The following TBX15 variants were observed in gnomAD, a reference collection of about 807,000 sequenced individuals.
TBX15 encodes the protein T-box transcription factor TBX15.
In TBX15, 18 loss-of-function variants were observed where a neutral mutation model predicts 53.9. That is an observed-to-expected ratio of 0.33 (90% CI 0.23 to 0.49). The LOEUF (loss-of-function observed/expected upper bound fraction) is 0.49. Ranked by LOEUF, TBX15 falls within the 20% of genes least tolerant of loss-of-function variation. TBX15 has a pLI of 0.98. For missense variants in TBX15, 692 were observed against 749.5 expected (o/e 0.92, Z 0.90); for synonymous variants, 295 against 278.0 (o/e 1.06, Z -0.61).
intron 1 of TBX15, among the ~76,000 whole-genome samples, chr1:118,932,042 C>T (rs1035284687): frequency 4.6e-5 from 7 of 152,092 alleles, no homozygotes; most frequent in African/African-American, 7.2e-5. Context: ...TTTCAGGTTT[C>T]GTGTTTCCAA....
chr1:118,977,538 C>T (rs1431934124), intron 1 of TBX15, among the ~76,000 whole-genome samples: 2 of 151,912 alleles, frequency 1.3e-5, no homozygotes, highest in East Asian at 1.9e-4. Context: ...TCCACAGGTT[C>T]CATGATTGCA....
chr1:118,987,543 G>C (rs1390273245), intron 1 of TBX15, 48 bp downstream of exon 1: 16 of 1,522,300 alleles, frequency 1.1e-5, no homozygotes, highest in East Asian at 2.5e-5. Context: ...CTGGCCCTTC[G>C]GCGTCCCCTC....
intron 6 of TBX15, among the ~76,000 whole-genome samples, chr1:118,909,568 G>GT (rs1553220661): frequency 2.6e-5 from 4 of 151,946 alleles, no homozygotes; most frequent in Admixed American, 6.6e-5. Context: ...TGTTGTTGTT[G>GT]TTGTTTGTTT....
At chr1:118,956,807 C>A (rs1571204423) in intron 1 of TBX15, among the ~76,000 whole-genome samples, 1 of 151,624 alleles carries the variant, frequency 6.6e-6, no homozygotes, top group East Asian at 1.9e-4. Context: ...AAAAAATTAG[C>A]CGGAAATTAG....
At chr1:118,948,444 C>A (rs1656410400) in intron 1 of TBX15, among the ~76,000 whole-genome samples, 1 of 152,156 alleles carries the variant, frequency 6.6e-6, no homozygotes, top group African/African-American at 2.4e-5. Context: ...GATTCTGAGA[C>A]CACCAGCAGA....
At chr1:118,933,412 T>G (rs902912309) in intron 1 of TBX15, among the ~76,000 whole-genome samples, 1 of 151,958 alleles carries the variant, frequency 6.6e-6, no homozygotes, top group African/African-American at 2.4e-5. Context: ...AATCACTACA[T>G]GAAGATGTAG....
intron 1 of TBX15, among the ~76,000 whole-genome samples, chr1:118,943,195 TAA>T (rs1209939450): frequency 1.3e-5 from 2 of 152,186 alleles, no homozygotes; most frequent in African/African-American, 2.4e-5. Context: ...CCATATGCGT[TAA>T]GTCTTTTCTC....
At chr1:118,919,504 G>T (rs763102668) in intron 5 of TBX15, among the ~76,000 whole-genome samples, 18 of 152,136 alleles carry the variant, frequency 1.2e-4, no homozygotes, top group Non-Finnish European at 2.2e-4. Flanking sequence ...AGGATGGAAG[G>T]AAGGAATGGA....
intron 2 of TBX15, among the ~76,000 whole-genome samples, chr1:118,930,773 C>T (rs1239500687): frequency 1.3e-5 from 2 of 152,188 alleles, no homozygotes; most frequent in East Asian, 3.9e-4. Context: ...GAACTACAGC[C>T]ATTTCTTCAC....
chr1:118,893,486 GA>G (rs879686994), intron 7 of TBX15, among the ~76,000 whole-genome samples: 399 of 25,540 alleles, frequency 0.016, 6 homozygotes, highest in Admixed American at 0.026. Context: ...AGGAAGGAAG[GA>G]AAGAAAGAAA....
chr1:118,917,566 TTAAAA>T (rs1432322379), intron 5 of TBX15, among the ~76,000 whole-genome samples: 3 of 152,176 alleles, frequency 2.0e-5, no homozygotes, highest in African/African-American at 4.8e-5. Flanking sequence ...GTCGTGGAAC[TTAAAA>T]TAAAATTTAA....
chr1:118,954,218 C>G (rs186596675), intron 1 of TBX15, among the ~76,000 whole-genome samples: 1 of 152,184 alleles, frequency 6.6e-6, no homozygotes, highest in South Asian at 2.1e-4. Flanking sequence ...CCCTGCTTGG[C>G]TGGGCAAAGC....
At chr1:118,947,356 C>T (rs1282276052) in intron 1 of TBX15, among the ~76,000 whole-genome samples, 2 of 152,228 alleles carry the variant, frequency 1.3e-5, no homozygotes, top group Non-Finnish European at 2.9e-5. Context: ...ATAATAAATA[C>T]AGTCAACTGC....
chr1:118,904,909 T>C (rs1557877681), intron 6 of TBX15, among the ~76,000 whole-genome samples: 1 of 152,198 alleles, frequency 6.6e-6, no homozygotes, highest in Non-Finnish European at 1.5e-5. Context: ...TGCCAAGTTA[T>C]ATAACCTCTT....
At chr1:118,973,551 A>T (rs6700415) in intron 1 of TBX15, among the ~76,000 whole-genome samples, 55,499 of 151,930 alleles carry the variant, frequency 0.37, 11,021 homozygotes, top group Non-Finnish European at 0.44. Context: ...AATAAAGCAG[A>T]TTTTTCATTC....
rs1232087001 is a variant in TBX15, at chr1:118,884,018, A to G, written c.*714T>C. 6.5e-6 allele frequency: 1 copy of G among 152,934 alleles called. No individual in the cohort carries two copies. Among genetic ancestry groups the G allele is most frequent in the Non-Finnish European group, 1.5e-5 (1 of 68,304 alleles). 9.5% of individuals were successfully genotyped at this position (152,934 alleles called of 1,614,324 possible). On this transcript the variant is annotated 3_prime_UTR_variant, in exon 8 of 8. Transcript: ENST00000369429. ...CCTCTTTCCACGGGCACCACTGGGA[A>G]TATCAATGATAGCATACAAGTGAAG...
At chr1:118,965,508 G>T (rs1363935715) in intron 1 of TBX15, among the ~76,000 whole-genome samples, 1 of 152,166 alleles carries the variant, frequency 6.6e-6, no homozygotes, top group Non-Finnish European at 1.5e-5. Flanking sequence ...AACCTTTCGG[G>T]AGGGTAATCT....
chr1:118,984,314 C>A (rs1231000973), intron 1 of TBX15, among the ~76,000 whole-genome samples: 3 of 152,218 alleles, frequency 2.0e-5, no homozygotes, highest in Non-Finnish European at 2.9e-5. Context: ...GTGGCCCGGC[C>A]CGAAGTTTCT....
intron 2 of TBX15, among the ~76,000 whole-genome samples, chr1:118,931,123 A>G (rs1283790120): frequency 6.6e-6 from 1 of 152,274 alleles, no homozygotes; most frequent in East Asian, 1.9e-4. Flanking sequence ...ATAGGTCACC[A>G]ATAAAGTTGT....
Sources: gnomAD v4.1 joint callset for allele counts (sites outside exome capture counted in the v4.1 genomes callset) on GRCh38, gnomAD v4.1.1 for gene constraint, MANE v1.5 for transcripts, NCBI Gene and HGNC (gene_info 2026-07-23, HGNC 2026-07-21) for gene names.